The following ZFAT variants were observed in gnomAD, a reference collection of about 807,000 sequenced individuals.
ZFAT encodes the protein zinc finger and AT-hook domain containing.
In ZFAT, 64 loss-of-function variants were observed where a neutral mutation model predicts 117.7. That is an observed-to-expected ratio of 0.54 (90% CI 0.44 to 0.67). ZFAT has a LOEUF of 0.67. ZFAT is among the 30% of genes least tolerant of loss of function. The pLI, the probability that ZFAT is intolerant of heterozygous loss-of-function variation, is 0.00. For missense variants in ZFAT, 1,433 were observed against 1,584.5 expected (o/e 0.90, Z 1.62); for synonymous variants, 679 against 615.0 (o/e 1.10, Z -1.54).
At chr8:134,561,907 T>C (rs764436286) in intron 11 of ZFAT, among the ~76,000 whole-genome samples, 1 of 152,196 alleles carries the variant, frequency 6.6e-6, no homozygotes, top group African/African-American at 2.4e-5. Context: ...GGCAGAATAA[T>C]GGCCCTTAAA....
At chr8:134,583,467 A>C (rs1825852845) in intron 10 of ZFAT, among the ~76,000 whole-genome samples, 1 of 152,190 alleles carries the variant, frequency 6.6e-6, no homozygotes, top group East Asian at 1.9e-4. Flanking sequence ...GGTGTGATCA[A>C]GGTTGCCCCT....
chr8:134,547,251 C>T (rs539714774), intron 11 of ZFAT, among the ~76,000 whole-genome samples: 17 of 152,310 alleles, frequency 1.1e-4, no homozygotes, highest in African/African-American at 3.9e-4. Flanking sequence ...CAAAGCTCAC[C>T]ACAAACAAGC....
At chr8:134,645,096 A>C (rs547182840) in intron 2 of ZFAT, among the ~76,000 whole-genome samples, 98 of 152,356 alleles carry the variant, frequency 6.4e-4, no homozygotes, top group African/African-American at 2.2e-3. Flanking sequence ...GAGAAGGAAA[A>C]TGAAAGGTCT....
At chr8:134,482,643 T>C (rs760787118) in intron 15 of ZFAT, among the ~76,000 whole-genome samples, 12 of 152,252 alleles carry the variant, frequency 7.9e-5, no homozygotes, top group South Asian at 2.1e-4. Context: ...TTTCAATTTT[T>C]AGCCTCCAGG....
chr8:134,637,725 CAA>C lies in ZFAT; in HGVS notation c.197-15_197-14del, dbSNP rs1377042139. Reference sequence around the variant, plus strand: ...ATGACCAAAAACTCTACAGAGGAAACAAGAGGGCACAATGGAATCACGTGAGA... The same window carrying C: ...ATGACCAAAAACTCTACAGAGGAAACGAGGGCACAATGGAATCACGTGAGA... On this transcript the variant is annotated splice_polypyrimidine_tract_variant and intron_variant, in intron 2 of 15. Transcript: ENST00000377838. 6.2e-7 allele frequency: 1 copy of C among 1,609,562 alleles called. No individual in the cohort carries two copies. The highest frequency in any genetic ancestry group is 1.3e-5 in the African/African-American group (1 of 74,812).
At chr8:134,565,113 C>T (rs1824339376) in intron 11 of ZFAT, 2 of 1,510,262 alleles carry the variant, frequency 1.3e-6, no homozygotes, top group Non-Finnish European at 1.8e-6. Flanking sequence ...TCTTACACAT[C>T]TTTGACTTGG....
At chr8:134,603,467 T>C (rs886437709) in intron 5 of ZFAT, among the ~76,000 whole-genome samples, 3 of 151,006 alleles carry the variant, frequency 2.0e-5, no homozygotes, top group South Asian at 4.3e-4. Flanking sequence ...GATGCAACCA[T>C]CTTTTCAATA....
Position 134,697,215 on chromosome 8 carries a change from A to C in ZFAT, c.19+15630T>G, listed in dbSNP as rs948886238. ...CTGCAACCTCCGCCTCCCTGGTTCA[A>C]GCAATTATCCGCCTCAGCCTCCTGA... On this transcript the variant is annotated intron_variant, in intron 1 of 15. Transcript: ENST00000377838. Among the ~76,000 whole-genome samples, 32 of 152,024 alleles carry C rather than the reference A, an allele frequency of 2.1e-4. 1 individual carries two copies. Among genetic ancestry groups the C allele is most frequent in the African/African-American group, 6.5e-4 (27 of 41,426 alleles).
At chr8:134,826,044 A>AT in the ZFAT span, among the ~76,000 whole-genome samples, 1 of 152,046 alleles carries the variant, frequency 6.6e-6, no homozygotes, top group South Asian at 2.1e-4. Flanking sequence ...AAGAAAAGAA[A>AT]TGGTCCTTAA....
intron 1 of ZFAT, among the ~76,000 whole-genome samples, chr8:134,673,937 T>C (rs1443200349): frequency 1.3e-5 from 2 of 152,052 alleles, no homozygotes; most frequent in African/African-American, 4.8e-5. Context: ...AATGGTGAAA[T>C]CCCGTCTCTA....
intron 2 of ZFAT, among the ~76,000 whole-genome samples, chr8:134,649,230 G>T (rs1831090036): frequency 6.9e-6 from 1 of 145,224 alleles, no homozygotes; most frequent in South Asian, 2.2e-4. Context: ...TAAAAGACTG[G>T]ATACTTTCTT....
chr8:134,810,303 GGATTGAAGA>G, the ZFAT span, among the ~76,000 whole-genome samples: 1 of 152,104 alleles, frequency 6.6e-6, no homozygotes, highest in Non-Finnish European at 1.5e-5. Context: ...CAGAAAATAA[GGATTGAAGA>G]GACCTTAACT....
chr8:134,745,735 T>C, the ZFAT span, among the ~76,000 whole-genome samples: 2 of 152,202 alleles, frequency 1.3e-5, no homozygotes, highest in Non-Finnish European at 2.9e-5. Flanking sequence ...ACTGAAGGGA[T>C]TTCCTCAAGG....
At chr8:134,814,855 GGCA>G in the ZFAT span, among the ~76,000 whole-genome samples, 2 of 152,204 alleles carry the variant, frequency 1.3e-5, no homozygotes, top group African/African-American at 4.8e-5. Context: ...CAACAGAGAA[GGCA>G]GCAGATACAA....
intron 15 of ZFAT, among the ~76,000 whole-genome samples, chr8:134,501,350 T>C (rs769840202): frequency 1.3e-5 from 2 of 152,098 alleles, no homozygotes; most frequent in African/African-American, 2.4e-5. Flanking sequence ...CTCATTACAC[T>C]ACAGAGGCTG....
At chr8:134,673,422 T>C (rs573499058) in intron 1 of ZFAT, 191 of 189,420 alleles carry the variant, frequency 1.0e-3, no homozygotes, top group African/African-American at 4.1e-3. Context: ...AGTAAACCAT[T>C]CCAATGTTGC....
chr8:134,678,828 A>C lies in ZFAT; in HGVS notation c.20-21091T>G, dbSNP rs200156466. ...ATCTTTGACAAACCTGACAAAAACA[A>C]GCAATGAGGAAAGGATTCCCTATTT... On this transcript the variant is annotated intron_variant, in intron 1 of 15. Transcript: ENST00000377838. Among the ~76,000 whole-genome samples, 13 of 152,354 alleles carry C rather than the reference A, an allele frequency of 8.5e-5. No individual in the cohort carries two copies. The East Asian group carries it at 2.5e-3, about 29-fold the overall frequency.
rs1028770712 is a variant in ZFAT, at chr8:134,558,752, G to A, written c.2976+6581C>T. 7.2e-5 allele frequency among the ~76,000 whole-genome samples: 11 copies of A among 152,240 alleles called. 1 individual carries two copies. In the South Asian group the frequency reaches 8.3e-4, roughly 11 times the overall value. Reference sequence around the variant, plus strand: ...GCCAACAATTTTTGATCACCTGCCTGGTACCATGTACCATACTTACTACTC... The same window carrying A: ...GCCAACAATTTTTGATCACCTGCCTAGTACCATGTACCATACTTACTACTC... On this transcript the variant is annotated intron_variant, in intron 11 of 15. Transcript: ENST00000377838.
chr8:134,769,577 G>T, the ZFAT span, among the ~76,000 whole-genome samples: 1 of 152,142 alleles, frequency 6.6e-6, no homozygotes, highest in Non-Finnish European at 1.5e-5. Context: ...CCAGGTGCAT[G>T]GTGCAAGCTG....
Sources: gnomAD v4.1 joint callset for allele counts (sites outside exome capture counted in the v4.1 genomes callset) on GRCh38, gnomAD v4.1.1 for gene constraint, MANE v1.5 for transcripts, NCBI Gene and HGNC (gene_info 2026-07-23, HGNC 2026-07-21) for gene names.